RBFOX1: variants seen among roughly 807,000 people sequenced by gnomAD.
RBFOX1 encodes RNA binding protein fox-1 homolog 1.
RBFOX1 carries 8 observed loss-of-function variants against 57.7 expected under a neutral mutation model. The observed-to-expected ratio is 0.14, with a 90% CI of 0.08 to 0.25. The LOEUF (loss-of-function observed/expected upper bound fraction) is 0.25. Ranked by LOEUF, RBFOX1 falls within the 10% of genes least tolerant of loss-of-function variation. The pLI is 1.00. For synonymous variants in RBFOX1, 326 were observed against 222.4 expected, an observed-to-expected ratio of 1.47 and a Z score of -4.15; for missense variants, 611 against 548.5, an observed-to-expected ratio of 1.11 and a Z score of -1.14.
At chr16:6,418,808 C>T (rs867992041) in intron 2 of RBFOX1, among the ~76,000 whole-genome samples, 1 of 152,154 alleles carries the variant, frequency 6.6e-6, no homozygotes, top group Non-Finnish European at 1.5e-5. Context: ...GGATTACAGG[C>T]ATGAGCCACC....
chr16:6,954,985 C>A (rs942070856), intron 3 of RBFOX1, among the ~76,000 whole-genome samples: 3 of 151,482 alleles, frequency 2.0e-5, no homozygotes. Context: ...AATCTGAGTA[C>A]TTTGGGAGAC....
chr16:6,696,533 C>A (rs1475824816), intron 3 of RBFOX1, among the ~76,000 whole-genome samples: 1 of 152,144 alleles, frequency 6.6e-6, no homozygotes, highest in Non-Finnish European at 1.5e-5. Flanking sequence ...TGGAGAACTT[C>A]AAATATTTAT....
chr16:7,226,465 G>C (rs1037085703), intron 4 of RBFOX1, among the ~76,000 whole-genome samples: 1 of 152,202 alleles, frequency 6.6e-6, no homozygotes, highest in African/African-American at 2.4e-5. Context: ...TGTGCAGCCT[G>C]CATTGACTCT....
chr16:7,042,810 C>T (rs1183678116), intron 3 of RBFOX1, among the ~76,000 whole-genome samples: 2 of 152,106 alleles, frequency 1.3e-5, no homozygotes, highest in African/African-American at 4.8e-5. Flanking sequence ...CCTGGAATCC[C>T]AGGTACTCGG....
At chr16:5,261,834 G>T (rs2062741639) in intron 1 of RBFOX1, among the ~76,000 whole-genome samples, 1 of 152,140 alleles carries the variant, frequency 6.6e-6, no homozygotes, top group African/African-American at 2.4e-5. Context: ...ACAGGTGTGA[G>T]CCACCGTATA....
At chr16:6,398,454 G>C (rs1480564655) in intron 2 of RBFOX1, among the ~76,000 whole-genome samples, 2 of 152,074 alleles carry the variant, frequency 1.3e-5, no homozygotes, top group African/African-American at 2.4e-5. Context: ...CTGCCTATGA[G>C]CCTGTAAAAT....
At chr16:6,499,971 G>T (rs1252846736) in intron 2 of RBFOX1, among the ~76,000 whole-genome samples, 1 of 152,142 alleles carries the variant, frequency 6.6e-6, no homozygotes, top group Non-Finnish European at 1.5e-5. Context: ...CTGCCGCCTC[G>T]TGAAGGGCTT....
At chr16:5,489,342 C>A (rs1206100753) in intron 2 of RBFOX1, among the ~76,000 whole-genome samples, 4 of 152,198 alleles carry the variant, frequency 2.6e-5, no homozygotes, top group Non-Finnish European at 4.4e-5. Context: ...AAGAATTAGG[C>A]ACAAACATCC....
At chr16:5,929,177 G>T (rs1465875181) in intron 4 of RBFOX1, among the ~76,000 whole-genome samples, 1 of 152,062 alleles carries the variant, frequency 6.6e-6, no homozygotes, top group Admixed American at 6.5e-5. Context: ...ACAGGGAAGG[G>T]GCATTACCTC....
chr16:6,803,067 T>G (rs941722090), intron 3 of RBFOX1, among the ~76,000 whole-genome samples: 1 of 152,144 alleles, frequency 6.6e-6, no homozygotes, highest in Non-Finnish European at 1.5e-5. Flanking sequence ...AATGTTACTT[T>G]GTGTGTGTGT....
At chr16:5,762,853 A>G (rs568067659) in intron 3 of RBFOX1, among the ~76,000 whole-genome samples, 8 of 152,212 alleles carry the variant, frequency 5.3e-5, no homozygotes, top group Admixed American at 2.0e-4. Context: ...GGCATATTGC[A>G]TGGCTTTGGC....
intron 4 of RBFOX1, among the ~76,000 whole-genome samples, chr16:7,265,391 C>CT (rs2153086371): frequency 6.6e-6 from 1 of 151,762 alleles, no homozygotes; most frequent in African/African-American, 2.4e-5. Flanking sequence ...GATGTCTTTT[C>CT]TTTCTTTTTC....
chr16:6,593,473 CCA>C (rs1348327517), intron 2 of RBFOX1, among the ~76,000 whole-genome samples: 1 of 152,128 alleles, frequency 6.6e-6, no homozygotes, highest in Non-Finnish European at 1.5e-5. Context: ...ATGACATTTG[CCA>C]GTTTTCCTTG....
intron 4 of RBFOX1, among the ~76,000 whole-genome samples, chr16:6,012,231 G>C (rs1218676988): frequency 1.3e-5 from 2 of 152,216 alleles, no homozygotes; most frequent in Non-Finnish European, 2.9e-5. Context: ...ATGGTAATCT[G>C]GTTTACAGTG....
chr16:5,995,128 C>T (rs1170737328), intron 4 of RBFOX1, among the ~76,000 whole-genome samples: 1 of 152,194 alleles, frequency 6.6e-6, no homozygotes, highest in Non-Finnish European at 1.5e-5. Flanking sequence ...CTATAACCTG[C>T]TTCGAAATGT....
At chr16:7,397,909 T>G (rs2098169057) in intron 4 of RBFOX1, among the ~76,000 whole-genome samples, 1 of 152,136 alleles carries the variant, frequency 6.6e-6, no homozygotes, top group Non-Finnish European at 1.5e-5. Flanking sequence ...ACTACCTGAT[T>G]TTTTAGGCCC....
chr16:5,383,040 C>G (rs1057225125), intron 1 of RBFOX1, among the ~76,000 whole-genome samples: 2 of 152,168 alleles, frequency 1.3e-5, no homozygotes, highest in Non-Finnish European at 2.9e-5. Flanking sequence ...TGCTATAAAG[C>G]GACCACCTCT....
chr16:6,847,415 G>A (rs988078824), intron 3 of RBFOX1, among the ~76,000 whole-genome samples: 3 of 151,976 alleles, frequency 2.0e-5, no homozygotes, highest in African/African-American at 7.2e-5. Context: ...GGAAGCAGCC[G>A]TCTAGACTGC....
At chr16:5,656,247 T>C (rs2049426410) in intron 3 of RBFOX1, among the ~76,000 whole-genome samples, 1 of 152,186 alleles carries the variant, frequency 6.6e-6, no homozygotes, top group Non-Finnish European at 1.5e-5. Context: ...TGAACAGTAA[T>C]AGCTTTCACA....
Sources: gnomAD v4.1 joint callset for allele counts (sites outside exome capture counted in the v4.1 genomes callset) on GRCh38, gnomAD v4.1.1 for gene constraint, MANE v1.5 for transcripts, NCBI Gene and HGNC (gene_info 2026-07-23, HGNC 2026-07-21) for gene names.